JMJD1C: variants seen among roughly 807,000 people sequenced by gnomAD.
JMJD1C encodes jumonji domain-containing protein 1C.
JMJD1C carries 31 observed loss-of-function variants against 245.3 expected under a neutral mutation model. That is an observed-to-expected ratio of 0.13 (90% CI 0.09 to 0.17). The LOEUF (loss-of-function observed/expected upper bound fraction) is 0.17, where lower values mean the gene tolerates loss of function less well. Among genes scored for constraint, JMJD1C ranks in the 10% least tolerant of loss-of-function variants. The pLI is 1.00. For missense variants in JMJD1C, 2,691 were observed against 3,000.2 expected (o/e 0.90, Z 2.41); for synonymous variants, 1,057 against 1,017.4 (o/e 1.04, Z -0.74).
intron 2 of JMJD1C, among the ~76,000 whole-genome samples, chr10:63,291,310 G>GA (rs59082600): frequency 0.039 from 2,700 of 69,068 alleles, 126 homozygotes; most frequent in African/African-American, 0.1. Flanking sequence ...GTCTGTCTCA[G>GA]AAAAAAAAAA....
intron 2 of JMJD1C, among the ~76,000 whole-genome samples, chr10:63,353,115 C>G (rs1205257452): frequency 6.6e-6 from 1 of 152,146 alleles, no homozygotes; most frequent in East Asian, 1.9e-4. Context: ...AAGTACTTTC[C>G]TCAATCAAGA....
intron 3 of JMJD1C, among the ~76,000 whole-genome samples, chr10:63,258,538 C>A (rs1854278636): frequency 6.6e-6 from 1 of 152,170 alleles, no homozygotes; most frequent in Admixed American, 6.5e-5. Context: ...AGCTGACATT[C>A]TACTGTCCCC....
intron 2 of JMJD1C, among the ~76,000 whole-genome samples, chr10:63,280,819 A>C (rs1319948121): frequency 1.3e-5 from 2 of 152,200 alleles, no homozygotes; most frequent in Non-Finnish European, 2.9e-5. Context: ...ATTCACATGA[A>C]CTGGCAGAAT....
intron 23 of JMJD1C, chr10:63,176,869 A>G (rs1054746298): frequency 6.6e-6 from 1 of 150,376 alleles, no homozygotes; most frequent in Non-Finnish European, 1.4e-5. Flanking sequence ...ACATTTATTG[A>G]TCCTTTTTTG....
chr10:63,198,885 G>C (rs1363174851), intron 11 of JMJD1C, among the ~76,000 whole-genome samples, 158 bp from the exon 12 acceptor site: 1 of 152,004 alleles, frequency 6.6e-6, no homozygotes, highest in Non-Finnish European at 1.5e-5. Flanking sequence ...ACTAATTATT[G>C]AATTAATTTA....
intron 24 of JMJD1C, among the ~76,000 whole-genome samples, chr10:63,171,148 C>T (rs149359161): frequency 4.7e-4 from 71 of 151,856 alleles, no homozygotes; most frequent in Admixed American, 1.1e-3. Context: ...TAGTATTTTT[C>T]GACAAATTTT....
At chr10:63,436,516 C>T (rs1951066487) in intron 1 of JMJD1C, among the ~76,000 whole-genome samples, 1 of 152,128 alleles carries the variant, frequency 6.6e-6, no homozygotes, top group African/African-American at 2.4e-5. Context: ...TTATACTAAC[C>T]TACTACCATC....
At position 63,222,530 on chromosome 10, in the gene JMJD1C, G is replaced by A. The variant is rs1327301183; in HGVS notation, c.448-2547C>T. 3 of 1,406,536 alleles carry A rather than the reference G, an allele frequency of 2.1e-6. No individual in the cohort carries two copies. The East Asian group carries it at 6.9e-5, about 32-fold the overall frequency. 87.1% of individuals were successfully genotyped at this position (1,406,536 alleles called of 1,614,324 possible). Reference sequence around the variant, plus strand: ...TGACTGACTGCACTTTTGTCCCAAAGATACTCAACTCAAATACTGTGAAAA... The same window carrying A: ...TGACTGACTGCACTTTTGTCCCAAAAATACTCAACTCAAATACTGTGAAAA... On this transcript the variant is annotated intron_variant, in intron 3 of 25. Coordinates refer to ENST00000399262, the MANE Select transcript of JMJD1C (RefSeq NM_032776.3).
intron 3 of JMJD1C, among the ~76,000 whole-genome samples, chr10:63,249,889 A>C (rs1267502493): frequency 5.3e-5 from 8 of 152,058 alleles, no homozygotes; most frequent in Admixed American, 2.0e-4. Flanking sequence ...AGAAAAAGAC[A>C]AGACAAATAT....
rs1396811868 is a variant in JMJD1C, at chr10:63,253,710, T to C, written c.447+10941A>G. 4.6e-5 allele frequency among the ~76,000 whole-genome samples: 7 copies of C among 152,252 alleles called. 1 individual carries two copies. The highest frequency in any genetic ancestry group is 4.6e-4 in the Admixed American group (7 of 15,288). ...CTCATTTTTTAAAAATATGGTGTAA[T>C]ACTGCACCAGGCGCGGTGGTATTTA... is the stretch of plus-strand genomic sequence containing the variant. On this transcript the variant is annotated intron_variant, in intron 3 of 25. Coordinates refer to ENST00000399262, the MANE Select transcript of JMJD1C (RefSeq NM_032776.3).
intron 2 of JMJD1C, among the ~76,000 whole-genome samples, chr10:63,367,225 G>GTT (rs200081593): frequency 1.3e-5 from 2 of 151,446 alleles, no homozygotes; most frequent in South Asian, 2.1e-4. Flanking sequence ...ATTCACCCTA[G>GTT]TTTTTTTTTG....
chr10:63,263,006 A>G (rs80151542), intron 3 of JMJD1C, among the ~76,000 whole-genome samples: 4,090 of 152,324 alleles, frequency 0.027, 85 homozygotes, highest in Non-Finnish European at 0.041. Context: ...CCACAGAATT[A>G]AAACATTAAG....
chr10:63,389,637 C>G (rs1947897063), intron 1 of JMJD1C, among the ~76,000 whole-genome samples: 1 of 151,790 alleles, frequency 6.6e-6, no homozygotes, highest in Non-Finnish European at 1.5e-5. Context: ...CCAGATAGAC[C>G]ATATTTTTGG....
At chr10:63,326,642 G>A (rs889597890) in intron 2 of JMJD1C, among the ~76,000 whole-genome samples, 9 of 152,202 alleles carry the variant, frequency 5.9e-5, no homozygotes, top group Non-Finnish European at 7.4e-5. Context: ...CACTTTGGGA[G>A]GCCGAGGCAG....
intron 1 of JMJD1C, among the ~76,000 whole-genome samples, chr10:63,481,571 G>A (rs1953831113): frequency 6.6e-6 from 1 of 152,016 alleles, no homozygotes; most frequent in Admixed American, 6.6e-5. Context: ...ATAAACTACA[G>A]TCAATTATAG....
Position 63,168,467 on chromosome 10 carries a change from T to C in JMJD1C, c.7501A>G (p.Lys2501Glu). Residue 2501 changes from lysine (K) to glutamate (E), a missense_variant, in exon 25 of 26, where the codon AAG (lysine) becomes GAG (glutamate). By Grantham distance (56) the Lys-to-Glu change is moderately conservative (BLOSUM62 1). Coordinates refer to ENST00000399262, the MANE Select transcript of JMJD1C (RefSeq NM_032776.3). ...FHLTQELRLL[K>E]EEINYDDKLQ... is the part of the protein sequence containing the mutation. The stretch of plus-strand genomic sequence containing the variant: ...TTATCATCATAATTGATTTCTTCCT[T>C]CAAAAGTCTCAGTTCCTGTGTTAAA... The C allele has an allele frequency of 6.2e-7, 1 of 1,609,898 alleles. No homozygotes were observed. The highest frequency in any genetic ancestry group is 8.5e-7 in the Non-Finnish European group (1 of 1,178,540).
intron 3 of JMJD1C, among the ~76,000 whole-genome samples, chr10:63,247,123 C>G (rs1321103065): frequency 7.4e-6 from 1 of 134,512 alleles, no homozygotes; most frequent in Non-Finnish European, 1.7e-5. Flanking sequence ...AAAACAAAAA[C>G]AAAAAAACAA....
At chr10:63,198,877 T>C in intron 11 of JMJD1C, 150 bp from the exon 12 acceptor site, 1 of 496,926 alleles carries the variant, frequency 2.0e-6, no homozygotes, top group Non-Finnish European at 3.5e-6. Flanking sequence ...CTTCACACAC[T>C]AATTATTGAA....
At chr10:63,406,737 G>A (rs978206570) in intron 1 of JMJD1C, among the ~76,000 whole-genome samples, 1 of 151,958 alleles carries the variant, frequency 6.6e-6, no homozygotes, top group Non-Finnish European at 1.5e-5. Context: ...ACTGATAGCT[G>A]GAATAAACAA....
Sources: allele counts gnomAD v4.1 joint callset (sites outside exome capture counted in the v4.1 genomes callset), GRCh38; gene constraint gnomAD v4.1.1; transcripts MANE v1.5; gene names NCBI Gene and HGNC (gene_info 2026-07-23, HGNC 2026-07-21).